PTPRD: variants seen among roughly 807,000 people sequenced by gnomAD.
PTPRD encodes protein tyrosine phosphatase receptor type D, also known as receptor-type tyrosine-protein phosphatase delta.
A neutral mutation model predicts 214.5 loss-of-function variants in PTPRD; 34 were observed. The observed-to-expected ratio is 0.16, with a 90% CI of 0.12 to 0.21. PTPRD has a LOEUF of 0.21. Among genes scored for constraint, PTPRD ranks in the 10% least tolerant of loss-of-function variants. The pLI is 1.00. For synonymous variants in PTPRD, 1,128 were observed against 845.7 expected (o/e 1.33, Z -5.79); for missense variants, 2,545 against 2,398.7 (o/e 1.06, Z -1.27).
At chr9:8,705,864 G>C (rs1433412890) in intron 12 of PTPRD, among the ~76,000 whole-genome samples, 2 of 152,070 alleles carry the variant, frequency 1.3e-5, no homozygotes, top group Non-Finnish European at 2.9e-5. Context: ...ATTTATATTT[G>C]TTAAGTGTAT....
chr9:10,259,133 C>T (rs1325251087), intron 3 of PTPRD, among the ~76,000 whole-genome samples: 2 of 152,140 alleles, frequency 1.3e-5, no homozygotes, highest in African/African-American at 4.8e-5. Flanking sequence ...CACTATTCTT[C>T]TGCCTCAGCC....
intron 11 of PTPRD, among the ~76,000 whole-genome samples, chr9:8,993,301 G>A (rs536891136): frequency 1.3e-5 from 2 of 152,126 alleles, no homozygotes; most frequent in Admixed American, 6.6e-5. Flanking sequence ...TTTAATAACA[G>A]TATCTATCTC....
At chr9:9,978,532 AAAAT>A (rs2095436273) in intron 4 of PTPRD, among the ~76,000 whole-genome samples, 2 of 152,138 alleles carry the variant, frequency 1.3e-5, no homozygotes, top group South Asian at 4.1e-4. Context: ...TAAAATTTAA[AAAAT>A]AAATAAAAAA....
chr9:9,816,906 TAAAG>T (rs2153560630), intron 5 of PTPRD, among the ~76,000 whole-genome samples: 1 of 116,204 alleles, frequency 8.6e-6, no homozygotes, highest in Admixed American at 7.6e-5. Flanking sequence ...CTAATAATAA[TAAAG>T]AAAAAAAAGT....
intron 5 of PTPRD, among the ~76,000 whole-genome samples, chr9:9,775,979 A>AAAAAAAAAAAT (rs1555038117): frequency 6.7e-6 from 1 of 148,534 alleles, no homozygotes; most frequent in African/African-American, 2.5e-5. Flanking sequence ...AAAAAAAAAA[A>AAAAAAAAAAAT]GCAAATCCTT....
At chr9:9,115,259 T>C (rs2099811257) in intron 10 of PTPRD, among the ~76,000 whole-genome samples, 1 of 152,130 alleles carries the variant, frequency 6.6e-6, no homozygotes, top group Non-Finnish European at 1.5e-5. Context: ...AGGGTTTCAT[T>C]TGGGATGCTT....
intron 3 of PTPRD, among the ~76,000 whole-genome samples, chr9:10,301,763 G>C (rs993908330): frequency 1.3e-5 from 2 of 152,074 alleles, no homozygotes; most frequent in Non-Finnish European, 2.9e-5. Flanking sequence ...AGGAAATATG[G>C]GACTATGTGA....
At chr9:9,787,143 A>AT (rs1491191031) in intron 5 of PTPRD, among the ~76,000 whole-genome samples, 3 of 126,800 alleles carry the variant, frequency 2.4e-5, no homozygotes, top group East Asian at 2.1e-4. Context: ...TCTCAATTTA[A>AT]TAAAAAAAAA....
intron 3 of PTPRD, among the ~76,000 whole-genome samples, chr9:10,125,890 C>T (rs1176249866): frequency 1.3e-5 from 2 of 151,812 alleles, no homozygotes; most frequent in African/African-American, 4.8e-5. Context: ...ATAGATATAG[C>T]ATGTAAAATG....
At chr9:9,806,440 TCCTCCCCGCTCTTGTGACAATACAC>T (rs1364257071) in intron 5 of PTPRD, among the ~76,000 whole-genome samples, 55 of 152,142 alleles carry the variant, frequency 3.6e-4, no homozygotes. Flanking sequence ...TTTGTAACAT[TCCTCCCCGCTCTTGTGACAATACAC>T]CCTCCCCGCC....
chr9:10,465,217 C>G (rs914795494), intron 2 of PTPRD, among the ~76,000 whole-genome samples: 4 of 152,124 alleles, frequency 2.6e-5, no homozygotes, highest in Non-Finnish European at 5.9e-5. Flanking sequence ...ATCATTAGCA[C>G]ACACAACAGA....
chr9:10,217,377 C>G (rs1391916241), intron 3 of PTPRD, among the ~76,000 whole-genome samples: 1 of 151,762 alleles, frequency 6.6e-6, no homozygotes, highest in African/African-American at 2.4e-5. Context: ...CTCAGCCTCC[C>G]CCTCCTCCAT....
In PTPRD at chr9:10,000,774, C is replaced by G. The variant is rs188173202; in HGVS notation, c.-472+32944G>C. On this transcript the variant is annotated intron_variant, in intron 4 of 45. Transcript: ENST00000381196. ...AACTAGGTCTAACCAACATGGCCAG[C>G]TTGGTGATTCTCACCCTTTTCTTGT... is the stretch of plus-strand genomic sequence containing the variant. Among the ~76,000 whole-genome samples, 405 of 152,334 alleles carry G rather than the reference C, an allele frequency of 2.7e-3. 1 individual carries two copies. Among genetic ancestry groups the G allele is most frequent in the Non-Finnish European group, 4.7e-3 (319 of 68,038 alleles).
At chr9:9,898,228 T>C (rs2075528765) in intron 5 of PTPRD, among the ~76,000 whole-genome samples, 1 of 152,132 alleles carries the variant, frequency 6.6e-6, no homozygotes, top group Non-Finnish European at 1.5e-5. Context: ...TCTATATCAA[T>C]GCGTCAATTA....
At chr9:8,809,631 T>C (rs961011815) in intron 11 of PTPRD, among the ~76,000 whole-genome samples, 2 of 152,236 alleles carry the variant, frequency 1.3e-5, no homozygotes, top group Non-Finnish European at 2.9e-5. Context: ...TCTGAGCAGA[T>C]ACCTGAAAAA....
rs566198198 is a variant in PTPRD, at chr9:9,796,295, T to C, written c.-367-29444A>G. On this transcript the variant is annotated intron_variant, in intron 5 of 45. Transcript: ENST00000381196. The stretch of plus-strand genomic sequence containing the variant: ...TAATCCAGTTGCAGGGAGAGTAAGA[T>C]AAAATTCCATGGTGCCTATCATGGA... Among the ~76,000 whole-genome samples, 5 of 152,232 alleles carry C rather than the reference T, an allele frequency of 3.3e-5. No homozygotes were observed. In the East Asian group the frequency reaches 5.8e-4, roughly 18 times the overall value.
intron 10 of PTPRD, among the ~76,000 whole-genome samples, chr9:9,154,761 A>G (rs1183541750): frequency 6.6e-6 from 1 of 152,180 alleles, no homozygotes; most frequent in Non-Finnish European, 1.5e-5. Flanking sequence ...AGAAGAGTGT[A>G]ATCTGGTGTA....
intron 7 of PTPRD, among the ~76,000 whole-genome samples, chr9:9,588,157 A>G (rs16929848): frequency 0.018 from 2,689 of 151,956 alleles, 75 homozygotes; most frequent in African/African-American, 0.062. Flanking sequence ...AAATAGACCC[A>G]GTGAAGCTAT....
intron 8 of PTPRD, among the ~76,000 whole-genome samples, chr9:9,535,591 G>A (rs2076348452): frequency 6.6e-6 from 1 of 152,064 alleles, no homozygotes; most frequent in South Asian, 2.1e-4. Context: ...AGCAGCCAAT[G>A]TGGTGAAAAT....
Sources: gnomAD v4.1 joint callset for allele counts (sites outside exome capture counted in the v4.1 genomes callset) on GRCh38, gnomAD v4.1.1 for gene constraint, MANE v1.5 for transcripts, NCBI Gene and HGNC (gene_info 2026-07-23, HGNC 2026-07-21) for gene names.